RANBP3: variants seen among roughly 807,000 people sequenced by gnomAD.
The protein encoded by RANBP3 is ran-binding protein 3.
Under a neutral mutation model 77.3 loss-of-function variants are expected in RANBP3, and 14 were observed. The observed-to-expected ratio is 0.18, with a 90% CI of 0.12 to 0.28. RANBP3 has a LOEUF of 0.28. Among genes scored for constraint, RANBP3 ranks in the 10% least tolerant of loss-of-function variants. The pLI, the probability that RANBP3 is intolerant of heterozygous loss-of-function variation, is 1.00. For synonymous variants in RANBP3, 315 were observed against 312.4 expected, an observed-to-expected ratio of 1.01 and a Z score of -0.09; for missense variants, 586 against 752.3, an observed-to-expected ratio of 0.78 and a Z score of 2.59.
rs996030640 is a variant in RANBP3 at position 5,952,562 on chromosome 19, C to T, written c.79-966G>A. ...AAACCTCCCTCTTGGCATCGTCCAACGACATGGAGCCATTTCTCGCACTCG... is the reference window on the plus strand; with the variant it reads ...AAACCTCCCTCTTGGCATCGTCCAATGACATGGAGCCATTTCTCGCACTCG... On this transcript the variant is annotated intron_variant, in intron 2 of 16. Transcript: ENST00000340578. This position sits in a 1 kb window ranked among gnomAD's most constrained non-coding sequence, Gnocchi z 4.1. 2.6e-5 allele frequency among the ~76,000 whole-genome samples: 4 copies of T among 152,214 alleles called. No homozygotes were observed. Among genetic ancestry groups the T allele is most frequent in the Non-Finnish European group, 4.4e-5 (3 of 68,046 alleles).
At chr19:5,933,349 G>A in intron 6 of RANBP3, 65 bp downstream of exon 6, 2 of 1,359,246 alleles carry the variant, frequency 1.5e-6, no homozygotes, top group Non-Finnish European at 2.0e-6. Context: ...GCCCTGGTGT[G>A]GCCTAGCAGA....
At chr19:5,922,174 CG>C (rs2057829881) in intron 13 of RANBP3, among the ~76,000 whole-genome samples, 1 of 152,058 alleles carries the variant, frequency 6.6e-6, no homozygotes, top group Non-Finnish European at 1.5e-5. Context: ...CTAGAAACCA[CG>C]GAATTGTATG....
rs140064376 is a variant in RANBP3 at position 5,954,842 on chromosome 19, G to A, written c.78+3076C>T. Reference sequence around the variant, plus strand: ...AAGCCAAGGAGAAACAAAGCCAGCCGCCCGCCCTGTGTGTTTACTTTCCAC... The same window carrying A: ...AAGCCAAGGAGAAACAAAGCCAGCCACCCGCCCTGTGTGTTTACTTTCCAC... On this transcript the variant is annotated intron_variant, in intron 2 of 16. Transcript: ENST00000340578. 1.4e-3 allele frequency among the ~76,000 whole-genome samples: 211 copies of A among 152,296 alleles called. 1 individual carries two copies. Among genetic ancestry groups the A allele is most frequent in the Non-Finnish European group, 2.6e-3 (180 of 68,014 alleles).
chr19:5,918,386 A>ACGGGGG, intron 15 of RANBP3, 110 bp downstream of exon 15: 1 of 617,692 alleles, frequency 1.6e-6, no homozygotes. Context: ...GAAGCAACTG[A>ACGGGGG]AGCCCCTCCC....
At chr19:5,975,075 C>G (rs1000741585) in intron 1 of RANBP3, among the ~76,000 whole-genome samples, 4 of 152,184 alleles carry the variant, frequency 2.6e-5, no homozygotes, top group African/African-American at 9.7e-5. Context: ...GCCCCTAAAG[C>G]TTCAAAAGGC....
At chr19:5,937,218 C>G (rs1379783351) in intron 5 of RANBP3, among the ~76,000 whole-genome samples, 1 of 152,078 alleles carries the variant, frequency 6.6e-6, no homozygotes, top group Non-Finnish European at 1.5e-5. Context: ...CAGAAACCAT[C>G]CAGCACAAAG....
chr19:5,922,902 T>C (rs2057843928), intron 13 of RANBP3, among the ~76,000 whole-genome samples: 1 of 152,260 alleles, frequency 6.6e-6, no homozygotes, highest in Non-Finnish European at 1.5e-5. Flanking sequence ...ACTGTGCCAC[T>C]GTACTCCAGC....
Position 5,921,100 on chromosome 19 carries a change from G to C in RANBP3, c.1330+101C>G. On this transcript the variant is annotated intron_variant, in intron 14 of 16. Coordinates refer to ENST00000340578, the MANE Select transcript of RANBP3 (RefSeq NM_007322.3). The surrounding 1 kb of genome is among the most constrained non-coding windows in gnomAD (Gnocchi z 5.3). ...GACTCTGTGCCTTGACTCTCACAAG[G>C]GTAGGGTCAGGATCTCCCCCGCTTC... The C allele has an allele frequency of 7.0e-7, 1 of 1,422,148 alleles. No individual in the cohort carries two copies. The highest frequency in any genetic ancestry group is 2.4e-5 in the East Asian group (1 of 40,902). The allele number at this position is 1,422,148 out of a possible 1,614,324, so 88.1% of individuals were successfully genotyped here.
intron 5 of RANBP3, chr19:5,935,725 G>A (rs753945708): frequency 6.6e-6 from 3 of 456,770 alleles, no homozygotes; most frequent in Non-Finnish European, 1.3e-5. Flanking sequence ...CCTCTCCAGA[G>A]CTGCAGACAG....
At position 5,952,136 on chromosome 19, in the gene RANBP3, T is replaced by C. The variant is rs1161871275; in HGVS notation, c.79-540A>G. ...CCTCTCACTACAGTTCTTCTAGCAC[T>C]TTCCATTTGTTCTGCTTACACCCAG... On this transcript the variant is annotated intron_variant, in intron 2 of 16. Transcript: ENST00000340578. The surrounding 1 kb of genome is among the most constrained non-coding windows in gnomAD (Gnocchi z 4.1). 2.0e-5 allele frequency among the ~76,000 whole-genome samples: 3 copies of C among 152,290 alleles called. No homozygotes were observed. Among genetic ancestry groups the C allele is most frequent in the Admixed American group, 6.5e-5 (1 of 15,296 alleles).
chr19:5,939,394 A>C (rs1454813910), intron 5 of RANBP3, among the ~76,000 whole-genome samples: 1 of 152,192 alleles, frequency 6.6e-6, no homozygotes, highest in Non-Finnish European at 1.5e-5. Context: ...AAATTTTAAC[A>C]GCTGAAGAAG....
In RANBP3 at chr19:5,933,785, T is replaced by C. The variant is rs532249344; in HGVS notation, c.407-306A>G. On this transcript the variant is annotated intron_variant, in intron 5 of 16. Coordinates refer to ENST00000340578, the MANE Select transcript of RANBP3 (RefSeq NM_007322.3). ...CCTGCTGCAGGCTCAGGAGCCGAGC[T>C]GCTCAGCGGCCCTGTACCTGGCTCT... 1.9e-4 allele frequency: 54 copies of C among 284,008 alleles called. 1 individual carries two copies. The South Asian group carries it at 2.8e-3, about 15-fold the overall frequency. 17.6% of individuals were successfully genotyped at this position (284,008 alleles called of 1,614,324 possible).
intron 2 of RANBP3, among the ~76,000 whole-genome samples, chr19:5,957,375 T>A (rs757943688): frequency 8.5e-4 from 130 of 152,154 alleles, no homozygotes; most frequent in Non-Finnish European, 1.4e-3. Flanking sequence ...ACACCCTGAA[T>A]CCAAGGGAGA....
intron 9 of RANBP3, 99 bp from the exon 10 acceptor site, chr19:5,925,836 C>A: frequency 2.1e-6 from 2 of 960,064 alleles, no homozygotes; most frequent in South Asian, 2.7e-5. Context: ...TGGAGCTGCT[C>A]GGAGCCATGA....
chr19:5,975,738 G>A (rs1446190804), intron 1 of RANBP3, among the ~76,000 whole-genome samples: 1 of 150,232 alleles, frequency 6.7e-6, no homozygotes, highest in Middle Eastern at 3.4e-3. Flanking sequence ...GAAATAGGTG[G>A]CCAGAGAAGC....
At chr19:5,933,526 G>A in intron 5 of RANBP3, 47 bp from the exon 6 acceptor site, 1 of 1,568,062 alleles carries the variant, frequency 6.4e-7, no homozygotes, top group Non-Finnish European at 8.8e-7. Flanking sequence ...CCTGGGCTGG[G>A]GCTGGGCCTG....
chr19:5,975,642 C>T (rs1386572395), intron 1 of RANBP3, among the ~76,000 whole-genome samples: 1 of 146,946 alleles, frequency 6.8e-6, no homozygotes, highest in Non-Finnish European at 1.5e-5. Flanking sequence ...GGCAAACATG[C>T]ATGTAATATC....
intron 15 of RANBP3, 108 bp downstream of exon 15, chr19:5,918,388 G>GCCCCCCCCCCCCCCCCCCCCCCCCCCCCC: frequency 1.5e-6 from 1 of 688,310 alleles, no homozygotes; most frequent in South Asian, 2.3e-5. Context: ...AGCAACTGAA[G>GCCCCCCCCCCCCCCCCCCCCCCCCCCCCC]CCCCTCCCCC....
chr19:5,949,101 T>C (rs1045484770), intron 3 of RANBP3, among the ~76,000 whole-genome samples: 1 of 152,196 alleles, frequency 6.6e-6, no homozygotes, highest in Non-Finnish European at 1.5e-5. Context: ...CTCAGCTTTA[T>C]ATTCCCCCCA....
Sources: allele counts gnomAD v4.1 joint callset (sites outside exome capture counted in the v4.1 genomes callset), GRCh38; gene constraint gnomAD v4.1.1; non-coding constraint Gnocchi (gnomAD v3.1); transcripts MANE v1.5; gene names NCBI Gene and HGNC (gene_info 2026-07-23, HGNC 2026-07-21).